The following MYO1E variants were observed in gnomAD, a reference collection of about 807,000 sequenced individuals.
MYO1E encodes unconventional myosin-Ie.
MYO1E carries 68 observed loss-of-function variants against 151.1 expected under a neutral mutation model. The observed-to-expected ratio is 0.45, with a 90% CI of 0.37 to 0.55. The LOEUF (loss-of-function observed/expected upper bound fraction) is 0.55. Ranked by LOEUF, MYO1E falls within the 20% of genes least tolerant of loss-of-function variation. The probability of loss-of-function intolerance (pLI) is 0.00; values close to 1 mark genes in which losing one functional copy is unlikely to be tolerated. For missense variants in MYO1E, 1,363 were observed against 1,389.3 expected (o/e 0.98, Z 0.30); for synonymous variants, 601 against 501.7 (o/e 1.20, Z -2.64).
intron 1 of MYO1E, among the ~76,000 whole-genome samples, chr15:59,329,548 T>C (rs568008860): frequency 1.3e-5 from 2 of 152,208 alleles, no homozygotes; most frequent in Non-Finnish European, 2.9e-5. Flanking sequence ...AGGAATACTC[T>C]AAAGAACATT....
chr15:59,313,132 A>G (rs2080563071), intron 1 of MYO1E, among the ~76,000 whole-genome samples: 2 of 152,220 alleles, frequency 1.3e-5, no homozygotes, highest in African/African-American at 4.8e-5. Context: ...TGCTTTAGTG[A>G]GAAGACTTAT....
At chr15:59,174,387 G>T in intron 19 of MYO1E, 147 bp from the exon 20 acceptor site, 2 of 682,976 alleles carry the variant, frequency 2.9e-6, no homozygotes, top group Non-Finnish European at 5.3e-6. Context: ...TATGTGAAAC[G>T]CTTACTGTGG....
At chr15:59,225,445 T>C (rs1347855015) in intron 7 of MYO1E, among the ~76,000 whole-genome samples, 26 of 152,164 alleles carry the variant, frequency 1.7e-4, no homozygotes, top group African/African-American at 6.3e-4. Context: ...CCTGTCGATG[T>C]CGCCCTGAGG....
intron 18 of MYO1E, 111 bp downstream of exon 18, chr15:59,188,007 G>A: frequency 1.2e-6 from 1 of 832,934 alleles, no homozygotes; most frequent in South Asian, 1.4e-5. Flanking sequence ...ACAACTCTGT[G>A]AATACGTTAA....
At chr15:59,240,104 A>C (rs924112109) in intron 4 of MYO1E, among the ~76,000 whole-genome samples, 14 of 152,220 alleles carry the variant, frequency 9.2e-5, no homozygotes, top group Non-Finnish European at 2.1e-4. Flanking sequence ...ACACACACAC[A>C]AATACTCTAG....
intron 13 of MYO1E, among the ~76,000 whole-genome samples, chr15:59,209,813 A>AT (rs2079866357): frequency 1.1e-4 from 8 of 71,184 alleles, no homozygotes; most frequent in South Asian, 3.9e-4. Context: ...ATTTTGAATC[A>AT]CCTTTTTTTT....
At chr15:59,287,505 G>A (rs922651781) in intron 1 of MYO1E, among the ~76,000 whole-genome samples, 4 of 152,166 alleles carry the variant, frequency 2.6e-5, no homozygotes, top group Non-Finnish European at 5.9e-5. Flanking sequence ...TATGCTTCTA[G>A]GGTGGCCACA....
At chr15:59,366,066 C>T (rs1035176146) in intron 1 of MYO1E, among the ~76,000 whole-genome samples, 12 of 152,144 alleles carry the variant, frequency 7.9e-5, no homozygotes, top group African/African-American at 2.9e-4. Context: ...GCAACCTCCG[C>T]CTCCCAAGTT....
At chr15:59,174,660 A>G (rs138815099) in intron 19 of MYO1E, among the ~76,000 whole-genome samples, 3,342 of 152,248 alleles carry the variant, frequency 0.022, 60 homozygotes, top group Middle Eastern at 0.071. Context: ...TGCAGCCTCT[A>G]AACAGAATTT....
Position 59,284,641 on chromosome 15 carries a change from A to AT in MYO1E, c.4-12193dup, listed in dbSNP as rs1290331376. The stretch of plus-strand genomic sequence containing the variant: ...TGTTTCTCTACCAAAAAAAAAAAAA[A>AT]TTTTTTTTTTTTTTGTAGAGACAGG... On this transcript the variant is annotated intron_variant, in intron 1 of 27. Coordinates refer to ENST00000288235, the MANE Select transcript of MYO1E (RefSeq NM_004998.4). Among the ~76,000 whole-genome samples, 1,041 of 120,732 alleles carry AT rather than the reference A, an allele frequency of 8.6e-3. 14 individuals are homozygous for AT. Among genetic ancestry groups the AT allele is most frequent in the East Asian group, 0.019 (83 of 4,432 alleles). The allele number at this position is 120,732 out of a possible 152,430, so 79.2% of individuals were successfully genotyped here.
Position 59,278,391 on chromosome 15 carries a change from G to C in MYO1E, c.4-5942C>G, listed in dbSNP as rs115785344. Among the ~76,000 whole-genome samples, 663 of 152,314 alleles carry C rather than the reference G, an allele frequency of 4.4e-3. 7 individuals carry two copies. Among genetic ancestry groups the C allele is most frequent in the African/African-American group, 0.015 (642 of 41,570 alleles). On this transcript the variant is annotated intron_variant, in intron 1 of 27. Coordinates refer to ENST00000288235, the MANE Select transcript of MYO1E (RefSeq NM_004998.4). ...TGTAATGGGATTTTTCTGTCTCCGTGAGTAATAACAGGAAAGGGACTACCT... is the reference window on the plus strand; with the variant it reads ...TGTAATGGGATTTTTCTGTCTCCGTCAGTAATAACAGGAAAGGGACTACCT...
Position 59,256,679 on chromosome 15 carries a change from C to T in MYO1E, c.238-301G>A, listed in dbSNP as rs147637865. Among the ~76,000 whole-genome samples, 993 of 152,232 alleles carry T rather than the reference C, an allele frequency of 6.5e-3. 14 individuals are homozygous for T. The highest frequency in any genetic ancestry group is 0.023 in the African/African-American group (937 of 41,524). ...TGCCCCGTGTCTTTAGACACTCCAACACCCCACCCTTCCACCCATACACGC... is the reference window on the plus strand; with the variant it reads ...TGCCCCGTGTCTTTAGACACTCCAATACCCCACCCTTCCACCCATACACGC... On this transcript the variant is annotated intron_variant, in intron 3 of 27. Transcript: ENST00000288235.
chr15:59,305,508 C>A (rs2080509798), intron 1 of MYO1E, among the ~76,000 whole-genome samples: 1 of 152,122 alleles, frequency 6.6e-6, no homozygotes, highest in African/African-American at 2.4e-5. Context: ...TCCACAGTAA[C>A]TTAAATGAAA....
At chr15:59,148,457 G>A (rs1162370486) in intron 26 of MYO1E, among the ~76,000 whole-genome samples, 1 of 152,146 alleles carries the variant, frequency 6.6e-6, no homozygotes, top group Non-Finnish European at 1.5e-5. Flanking sequence ...GGAAATTTAT[G>A]TCTTGAAATT....
intron 26 of MYO1E, among the ~76,000 whole-genome samples, 170 bp downstream of exon 26, chr15:59,153,420 C>G (rs1284789100): frequency 6.6e-6 from 1 of 152,198 alleles, no homozygotes; most frequent in Admixed American, 6.5e-5. Context: ...TGTACCTTTA[C>G]AAATAACCAG....
At chr15:59,156,340 A>G (rs1359849142) in intron 25 of MYO1E, among the ~76,000 whole-genome samples, 1 of 152,140 alleles carries the variant, frequency 6.6e-6, no homozygotes, top group Non-Finnish European at 1.5e-5. Flanking sequence ...GTGCACCACC[A>G]TGCCTGGCTA....
rs369582441 is a variant in MYO1E at position 59,172,127 on chromosome 15, C to T, written c.2335-85G>A. On this transcript the variant is annotated intron_variant, in intron 21 of 27. Coordinates refer to ENST00000288235, the MANE Select transcript of MYO1E (RefSeq NM_004998.4). The stretch of plus-strand genomic sequence containing the variant: ...ATCCCAGTACTTTCGGAGGCCGAGG[C>T]GGGTGAATCACCTGAGGTCAGGAGT... The T allele has an allele frequency of 4.0e-5, 60 of 1,489,234 alleles. 2 individuals are homozygous for T. In the South Asian group the frequency reaches 4.5e-4, roughly 11 times the overall value. 92.3% of individuals were successfully genotyped at this position (1,489,234 alleles called of 1,614,324 possible). A position where few individuals can be genotyped will look rare whatever the true frequency, so the allele number is the denominator to read the frequency against.
intron 24 of MYO1E, among the ~76,000 whole-genome samples, chr15:59,160,508 C>G (rs1257211682): frequency 1.3e-5 from 2 of 151,926 alleles, no homozygotes; most frequent in African/African-American, 4.8e-5. Context: ...CTCCCAGGCT[C>G]AAGCCATCCT....
intron 1 of MYO1E, among the ~76,000 whole-genome samples, chr15:59,361,815 AT>A (rs1244658476): frequency 6.6e-6 from 1 of 151,440 alleles, no homozygotes; most frequent in African/African-American, 2.4e-5. Context: ...TAGTCTGTGG[AT>A]TTTTTTAATT....
Sources: allele counts gnomAD v4.1 joint callset (sites outside exome capture counted in the v4.1 genomes callset), GRCh38; gene constraint gnomAD v4.1.1; transcripts MANE v1.5; gene names NCBI Gene and HGNC (gene_info 2026-07-23, HGNC 2026-07-21).